THOC1: variants seen among roughly 807,000 people sequenced by gnomAD.
THOC1 encodes THO complex subunit 1.
In THOC1, 29 loss-of-function variants were observed where a neutral mutation model predicts 97.3. The observed-to-expected ratio is 0.30, with a 90% CI of 0.22 to 0.41. The LOEUF (loss-of-function observed/expected upper bound fraction) is 0.41. Ranked by LOEUF, THOC1 falls within the 10% of genes least tolerant of loss-of-function variation. The pLI is 1.00. For missense variants in THOC1, 529 were observed against 761.9 expected, an observed-to-expected ratio of 0.69 and a Z score of 3.60; for synonymous variants, 255 against 257.0, an observed-to-expected ratio of 0.99 and a Z score of 0.07.
intron 11 of THOC1, among the ~76,000 whole-genome samples, chr18:229,212 C>G (rs539383971): frequency 6.6e-6 from 1 of 152,288 alleles, no homozygotes; most frequent in Non-Finnish European, 1.5e-5. Context: ...GTATCTACAA[C>G]CTATTCTTTC....
intron 18 of THOC1, among the ~76,000 whole-genome samples, chr18:217,614 G>GTA (rs1567841330): frequency 6.6e-6 from 1 of 152,136 alleles, no homozygotes; most frequent in Non-Finnish European, 1.5e-5. Context: ...AACACACAAG[G>GTA]TATAAGACAA....
intron 19 of THOC1, among the ~76,000 whole-genome samples, chr18:216,040 G>A (rs1349046749): frequency 2.0e-5 from 3 of 152,044 alleles, no homozygotes; most frequent in Admixed American, 6.6e-5. Context: ...TGCAACCTCC[G>A]CCTCCCAGGT....
intron 10 of THOC1, 89 bp downstream of exon 10, chr18:247,760 G>A (rs1443742026): frequency 2.6e-6 from 2 of 755,912 alleles, no homozygotes; most frequent in Admixed American, 2.8e-5. Context: ...GAATTACATA[G>A]TGAAAAGTAT....
At chr18:233,017 G>A (rs145886434) in intron 11 of THOC1, among the ~76,000 whole-genome samples, 416 of 151,940 alleles carry the variant, frequency 2.7e-3, no homozygotes, top group African/African-American at 9.2e-3. Flanking sequence ...CTTTGCCTAC[G>A]GTATCTTTTG....
At chr18:261,638 T>C (rs935641027) in intron 4 of THOC1, among the ~76,000 whole-genome samples, 1 of 152,204 alleles carries the variant, frequency 6.6e-6, no homozygotes, top group African/African-American at 2.4e-5. Flanking sequence ...GAGATGAGAC[T>C]GGACTAGGTG....
At chr18:226,152 G>A (rs573479023) in intron 12 of THOC1, 1 of 152,326 alleles carries the variant, frequency 6.6e-6, no homozygotes, top group East Asian at 1.9e-4. Context: ...AAAATTACAA[G>A]TCTGAAAGAG....
At chr18:233,286 G>A (rs1210513678) in intron 11 of THOC1, among the ~76,000 whole-genome samples, 1 of 152,176 alleles carries the variant, frequency 6.6e-6, no homozygotes, top group Non-Finnish European at 1.5e-5. Context: ...AATTGTCCAA[G>A]CAACATTTAT....
chr18:257,653 A>G (rs1047552372), intron 7 of THOC1, among the ~76,000 whole-genome samples: 5 of 152,322 alleles, frequency 3.3e-5, no homozygotes, highest in African/African-American at 1.2e-4. Context: ...CCAGACACAC[A>G]AAGAGGCAAG....
chr18:216,262 C>CT, intron 19 of THOC1: 2 of 501,752 alleles, frequency 4.0e-6, no homozygotes, highest in Non-Finnish European at 6.9e-6. Flanking sequence ...CCCTGTTGAA[C>CT]TTTAAATTAC....
At chr18:259,321 T>C in intron 6 of THOC1, 46 bp from the exon 7 acceptor site, 2 of 1,469,438 alleles carry the variant, frequency 1.4e-6, no homozygotes, top group Non-Finnish European at 1.9e-6. Flanking sequence ...GATAATTCTA[T>C]GTTTATTACA....
chr18:234,233 T>C (rs1243840762), intron 11 of THOC1, among the ~76,000 whole-genome samples: 2 of 152,222 alleles, frequency 1.3e-5, no homozygotes, highest in Non-Finnish European at 2.9e-5. Flanking sequence ...GGGGATAGTT[T>C]ACTCTTTTCT....
chr18:224,836 T>C (rs1911222749), intron 15 of THOC1, 88 bp downstream of exon 15: 2 of 1,047,694 alleles, frequency 1.9e-6, no homozygotes, highest in African/African-American at 1.6e-5. Context: ...TTTTACATGC[T>C]ATAATCATAT....
At chr18:217,940 G>A (rs1459423266) in intron 18 of THOC1, among the ~76,000 whole-genome samples, 1 of 152,188 alleles carries the variant, frequency 6.6e-6, no homozygotes, top group Non-Finnish European at 1.5e-5. Context: ...AGGTCTTTTA[G>A]GCCCTGGGAA....
At chr18:239,271 TAAA>T (rs1244882820) in intron 11 of THOC1, among the ~76,000 whole-genome samples, 3 of 152,296 alleles carry the variant, frequency 2.0e-5, no homozygotes, top group South Asian at 2.1e-4. Context: ...ACAGAAAACA[TAAA>T]AAGTCCCTAA....
chr18:252,286 G>A lies in THOC1; in HGVS notation c.677+253C>T, dbSNP rs1912302907. 4.6e-5 allele frequency among the ~76,000 whole-genome samples: 7 copies of A among 152,216 alleles called. No homozygotes were observed. In the South Asian group the frequency reaches 1.5e-3, roughly 32 times the overall value. On this transcript the variant is annotated intron_variant, in intron 9 of 20. Coordinates refer to ENST00000261600, the MANE Select transcript of THOC1 (RefSeq NM_005131.3). ...GGAGCTCCTAAGGCTGCCTGTGGTTGGCTTTTCAAATGCTGGGATTATGCA... is the reference window on the plus strand; with the variant it reads ...GGAGCTCCTAAGGCTGCCTGTGGTTAGCTTTTCAAATGCTGGGATTATGCA...
Position 254,055 on chromosome 18 carries a change from C to T in THOC1, c.603+218G>A, listed in dbSNP as rs1290531753. On this transcript the variant is annotated intron_variant, in intron 8 of 20. Coordinates refer to ENST00000261600, the MANE Select transcript of THOC1 (RefSeq NM_005131.3). The surrounding 1 kb of genome is among the most constrained non-coding windows in gnomAD (Gnocchi z 4.1). ...CCTCTCGAGTAGCTGGGACCACAGG[C>T]GTGCACCACCATGCCCTGCTAATTT... Among the ~76,000 whole-genome samples, 6 of 151,722 alleles carry T rather than the reference C, an allele frequency of 4.0e-5. No homozygotes were observed. The highest frequency in any genetic ancestry group is 1.5e-4 in the African/African-American group (6 of 41,298).
intron 11 of THOC1, among the ~76,000 whole-genome samples, chr18:230,465 T>C (rs1227404271): frequency 1.3e-5 from 2 of 152,132 alleles, no homozygotes; most frequent in African/African-American, 4.8e-5. Context: ...AAACAATGGA[T>C]TGAAAATAGG....
intron 11 of THOC1, among the ~76,000 whole-genome samples, chr18:228,870 ATCTT>A (rs1911387676): frequency 6.6e-6 from 1 of 152,312 alleles, no homozygotes; most frequent in African/African-American, 2.4e-5. Flanking sequence ...TTAATCAGCA[ATCTT>A]TCTTTATTCT....
At chr18:259,819 A>G in intron 5 of THOC1, 89 bp from the exon 6 acceptor site, 7 of 866,810 alleles carry the variant, frequency 8.1e-6, no homozygotes, top group Non-Finnish European at 1.2e-5. Context: ...ATTAAAGAAC[A>G]CTAACATGCA....
Sources: gnomAD v4.1 joint callset for allele counts (sites outside exome capture counted in the v4.1 genomes callset) on GRCh38, gnomAD v4.1.1 for gene constraint, Gnocchi (gnomAD v3.1) non-coding constraint, MANE v1.5 for transcripts, NCBI Gene and HGNC (gene_info 2026-07-23, HGNC 2026-07-21) for gene names.